OPCML: variants seen among roughly 807,000 people sequenced by gnomAD.
OPCML encodes opioid binding protein/cell adhesion molecule like.
In OPCML, 13 loss-of-function variants were observed where a neutral mutation model predicts 37.8. The observed-to-expected ratio is 0.34, with a 90% confidence interval of 0.22 to 0.55. OPCML has a LOEUF of 0.55. Among genes scored for constraint, OPCML ranks in the 20% least tolerant of loss-of-function variants. The pLI, the probability that OPCML is intolerant of heterozygous loss-of-function variation, is 0.91. For synonymous variants in OPCML, 176 were observed against 168.8 expected (o/e 1.04, Z -0.33); for missense variants, 341 against 435.6 (o/e 0.78, Z 1.93).
intron 4 of OPCML, among the ~76,000 whole-genome samples, chr11:132,507,996 T>G (rs2096261021): frequency 6.6e-6 from 1 of 152,124 alleles, no homozygotes; most frequent in African/African-American, 2.4e-5. Flanking sequence ...ACTAAACATT[T>G]TATTGAAATG....
chr11:132,695,555 C>G (rs1943570514), intron 2 of OPCML, among the ~76,000 whole-genome samples: 1 of 152,164 alleles, frequency 6.6e-6, no homozygotes, highest in South Asian at 2.1e-4. Context: ...TGAATAACTT[C>G]ACTAGTCTGT....
At chr11:133,519,622 T>C (rs1402300160) in intron 1 of OPCML, among the ~76,000 whole-genome samples, 1 of 152,178 alleles carries the variant, frequency 6.6e-6, no homozygotes, top group African/African-American at 2.4e-5. Flanking sequence ...TCCCCTATCT[T>C]CCTGAACTCT....
At position 133,095,949 on chromosome 11, in the gene OPCML, A is replaced by C. The variant is rs563067959; in HGVS notation, c.62-152939T>G. Among the ~76,000 whole-genome samples, 13 of 152,182 alleles carry C rather than the reference A, an allele frequency of 8.5e-5. No individual in the cohort carries two copies. The South Asian group carries it at 1.0e-3, about 12-fold the overall frequency. On this transcript the variant is annotated intron_variant, in intron 1 of 7. Coordinates refer to ENST00000524381, the MANE Select transcript of OPCML (RefSeq NM_001012393.5). Reference sequence around the variant, plus strand: ...TGTGTTGCCAGTAAATCTGCCTTTCAAGAAATATTAAAGGAAGTTATTTAG... The same window carrying C: ...TGTGTTGCCAGTAAATCTGCCTTTCCAGAAATATTAAAGGAAGTTATTTAG...
chr11:133,294,815 C>CTTTTTTTTTTTTTTTTT (rs59382534), intron 1 of OPCML, among the ~76,000 whole-genome samples: 11 of 56,544 alleles, frequency 1.9e-4, no homozygotes, highest in East Asian at 7.7e-4. Flanking sequence ...TTCTTTCTTT[C>CTTTTTTTTTTTTTTTTT]TTTTTTTTTT....
intron 2 of OPCML, among the ~76,000 whole-genome samples, chr11:132,917,589 C>G (rs966007540): frequency 1.8e-4 from 28 of 152,146 alleles, no homozygotes; most frequent in African/African-American, 6.5e-4. Context: ...TAACAGTGTT[C>G]TGAGGTACCT....
intron 1 of OPCML, among the ~76,000 whole-genome samples, chr11:132,989,602 CGT>C (rs72145712): frequency 0.084 from 11,699 of 139,274 alleles, 473 homozygotes; most frequent in Non-Finnish European, 0.1. Flanking sequence ...GGTCCTAGAG[CGT>C]GTGTGTGTGT....
intron 1 of OPCML, among the ~76,000 whole-genome samples, chr11:133,415,481 G>A (rs1309082345): frequency 1.3e-5 from 2 of 151,962 alleles, no homozygotes; most frequent in South Asian, 2.1e-4. Flanking sequence ...CTCTTTTCAT[G>A]TCAGGGATTT....
At chr11:133,340,540 T>C (rs568401260) in intron 1 of OPCML, among the ~76,000 whole-genome samples, 10 of 152,254 alleles carry the variant, frequency 6.6e-5, no homozygotes, top group Non-Finnish European at 1.5e-4. Flanking sequence ...TATATTTCCC[T>C]CTACCTGTTC....
chr11:133,358,391 C>T (rs1944338998), intron 1 of OPCML, among the ~76,000 whole-genome samples: 2 of 152,324 alleles, frequency 1.3e-5, no homozygotes, highest in South Asian at 4.1e-4. Context: ...CAAAGCATGC[C>T]ATGATCTTCA....
At chr11:132,835,306 C>A (rs10791257) in intron 2 of OPCML, among the ~76,000 whole-genome samples, 45,108 of 152,092 alleles carry the variant, frequency 0.3, 7,893 homozygotes, top group Non-Finnish European at 0.41. Flanking sequence ...TTAGTACAAA[C>A]GAAGTGAGAA....
chr11:133,180,592 G>A (rs1283125903), intron 1 of OPCML, among the ~76,000 whole-genome samples: 1 of 152,170 alleles, frequency 6.6e-6, no homozygotes, highest in African/African-American at 2.4e-5. Context: ...GGAAATGAGA[G>A]GAAGAGTGTC....
At chr11:132,983,437 T>C (rs1007437897) in intron 1 of OPCML, among the ~76,000 whole-genome samples, 1 of 152,224 alleles carries the variant, frequency 6.6e-6, no homozygotes, top group African/African-American at 2.4e-5. Flanking sequence ...GTACCAGCAG[T>C]GCAAGAAGAA....
At chr11:132,474,340 G>A (rs1243309004) in intron 4 of OPCML, among the ~76,000 whole-genome samples, 1 of 152,088 alleles carries the variant, frequency 6.6e-6, no homozygotes, top group Non-Finnish European at 1.5e-5. Context: ...CTGTTGTCAA[G>A]GAGAGAGTAA....
At chr11:133,498,991 T>C (rs1338762399) in intron 1 of OPCML, among the ~76,000 whole-genome samples, 5 of 152,186 alleles carry the variant, frequency 3.3e-5, no homozygotes, top group African/African-American at 1.2e-4. Context: ...GAGGTTCTCC[T>C]ACATGTTCAA....
chr11:132,431,557 A>G (rs904138987), intron 7 of OPCML, among the ~76,000 whole-genome samples: 2 of 152,196 alleles, frequency 1.3e-5, no homozygotes, highest in African/African-American at 4.8e-5. Context: ...AAGAAGAAGC[A>G]TTTCATATCA....
At chr11:132,926,097 G>T (rs1944980208) in intron 2 of OPCML, among the ~76,000 whole-genome samples, 1 of 152,156 alleles carries the variant, frequency 6.6e-6, no homozygotes, top group South Asian at 2.1e-4. Flanking sequence ...CGTGGTTCCT[G>T]ACCACCATGG....
At chr11:132,699,072 TC>T (rs1309618995) in intron 2 of OPCML, among the ~76,000 whole-genome samples, 1 of 152,108 alleles carries the variant, frequency 6.6e-6, no homozygotes, top group Non-Finnish European at 1.5e-5. Context: ...AGTGTACAAG[TC>T]TTTTACCTCC....
chr11:132,769,787 A>G (rs1457932939), intron 2 of OPCML, among the ~76,000 whole-genome samples: 1 of 152,196 alleles, frequency 6.6e-6, no homozygotes, highest in Non-Finnish European at 1.5e-5. Context: ...TGGTAGAGAC[A>G]AACACAACTT....
intron 2 of OPCML, among the ~76,000 whole-genome samples, chr11:132,913,044 T>G (rs1944481442): frequency 6.6e-6 from 1 of 152,216 alleles, no homozygotes; most frequent in Admixed American, 6.5e-5. Flanking sequence ...CTGGAGAATG[T>G]TATACACAAC....
Sources: gnomAD v4.1 joint callset for allele counts (sites outside exome capture counted in the v4.1 genomes callset) on GRCh38, gnomAD v4.1.1 for gene constraint, MANE v1.5 for transcripts, NCBI Gene and HGNC (gene_info 2026-07-23, HGNC 2026-07-21) for gene names.